The following PXDC1 variants were observed in gnomAD, a reference collection of about 807,000 sequenced individuals.
The protein encoded by PXDC1 is PX domain-containing protein 1.
Under a neutral mutation model 24.4 loss-of-function variants are expected in PXDC1, and 13 were observed. The ratio of observed to expected loss-of-function variants is 0.53; its 90% CI spans 0.35 to 0.85. PXDC1 has a LOEUF of 0.85. PXDC1 is among the 40% of genes least tolerant of loss of function. The probability of loss-of-function intolerance (pLI) is 0.01; values close to 1 mark genes in which losing one functional copy is unlikely to be tolerated. For missense variants in PXDC1, 344 were observed against 309.3 expected (o/e 1.11, Z -0.84); for synonymous variants, 162 against 124.9 (o/e 1.30, Z -1.98).
chr6:3,743,383 T>C (rs1192358487), intron 1 of PXDC1, among the ~76,000 whole-genome samples: 1 of 152,018 alleles, frequency 6.6e-6, no homozygotes, highest in Non-Finnish European at 1.5e-5. Context: ...ATAAATTACA[T>C]TTATATTGTT....
At chr6:3,731,916 C>G (rs1178185475) in intron 3 of PXDC1, among the ~76,000 whole-genome samples, 1 of 152,218 alleles carries the variant, frequency 6.6e-6, no homozygotes, top group Admixed American at 6.5e-5. Flanking sequence ...GCTGACAGGT[C>G]CTGCTGCTGC....
Position 3,737,940 on chromosome 6 carries a change from C to A in PXDC1, c.348+117G>T. ...TGGTACTACCAGGGAGGGAACAAAACGGCTAAGTGAGACAGAGCAAGCAAG... is the reference window on the plus strand; with the variant it reads ...TGGTACTACCAGGGAGGGAACAAAAAGGCTAAGTGAGACAGAGCAAGCAAG... On this transcript the variant is annotated intron_variant, in intron 2 of 4. Transcript: ENST00000380283. This position sits in a 1 kb window ranked among gnomAD's most constrained non-coding sequence, Gnocchi z 5.5. 1.2e-6 allele frequency: 1 copy of A among 867,740 alleles called. No individual in the cohort carries two copies. The highest frequency in any genetic ancestry group is 1.7e-5 in the African/African-American group (1 of 59,614). 53.8% of individuals were successfully genotyped at this position (867,740 alleles called of 1,614,324 possible).
chr6:3,740,150 A>G (rs919395440), intron 1 of PXDC1, among the ~76,000 whole-genome samples: 5 of 152,222 alleles, frequency 3.3e-5, no homozygotes, highest in African/African-American at 1.2e-4. Flanking sequence ...ATTTCATAGG[A>G]CAGAAAGCGT....
Position 3,737,995 on chromosome 6 carries a change from G to T in PXDC1, c.348+62C>A. Reference sequence around the variant, plus strand: ...CCCTCCGGGGGGATGGACGCCTTTCGCATTTGGGAGGTGCCAGCACCTCCC... The same window carrying T: ...CCCTCCGGGGGGATGGACGCCTTTCTCATTTGGGAGGTGCCAGCACCTCCC... On this transcript the variant is annotated intron_variant, in intron 2 of 4. Transcript: ENST00000380283. The surrounding 1 kb of genome is among the most constrained non-coding windows in gnomAD (Gnocchi z 5.5). 1 of 1,362,936 alleles carries T rather than the reference G, an allele frequency of 7.3e-7. No homozygotes were observed. Among genetic ancestry groups the T allele is most frequent in the Non-Finnish European group, 1.0e-6 (1 of 958,566 alleles). 84.4% of individuals were successfully genotyped at this position (1,362,936 alleles called of 1,614,324 possible). A position where few individuals can be genotyped will look rare whatever the true frequency, so the allele number is the denominator to read the frequency against.
intron 3 of PXDC1, among the ~76,000 whole-genome samples, chr6:3,732,329 C>T (rs1198478632): frequency 7.2e-5 from 11 of 152,208 alleles, no homozygotes; most frequent in Non-Finnish European, 7.3e-5. Flanking sequence ...CGGAACAAAA[C>T]CCAAAGCAGT....
intron 1 of PXDC1, among the ~76,000 whole-genome samples, chr6:3,750,239 G>C (rs1311906042): frequency 6.6e-6 from 1 of 152,242 alleles, no homozygotes; most frequent in African/African-American, 2.4e-5. Context: ...GGGAGACTTG[G>C]ACGGGCCACC....
chr6:3,742,228 G>A (rs1023864499), intron 1 of PXDC1, among the ~76,000 whole-genome samples: 2 of 152,166 alleles, frequency 1.3e-5, no homozygotes, highest in African/African-American at 4.8e-5. Context: ...CCTACCTGTT[G>A]TACTCCTCCT....
At chr6:3,739,811 T>C (rs1197176653) in intron 1 of PXDC1, among the ~76,000 whole-genome samples, 1 of 152,192 alleles carries the variant, frequency 6.6e-6, no homozygotes, top group Non-Finnish European at 1.5e-5. Flanking sequence ...TTACATAGAA[T>C]TTCAAATATT....
rs1760023004 is a variant in PXDC1, at chr6:3,724,848, C to T, written c.579-1112G>A. On this transcript the variant is annotated intron_variant, in intron 4 of 4. Transcript: ENST00000380283. The surrounding 1 kb of genome is among the most constrained non-coding windows in gnomAD (Gnocchi z 4.5). ...TAGTACATCGTGCGAATCCCGCTGA[C>T]CTCAAGGGACAGGGCTGTGAAGACA... 6.6e-6 allele frequency among the ~76,000 whole-genome samples: 1 copy of T among 152,228 alleles called. No homozygotes were observed.
Position 3,751,654 on chromosome 6 carries a change from C to A in PXDC1, c.-123G>T. ...CCGGGGTCGTCCGGGGTCGGCCCGT[C>A]ACTCCAAGGAGGCTGCGTATGGCCC... On this transcript the variant is annotated 5_prime_UTR_variant, in exon 1 of 5. Transcript: ENST00000380283. The A allele has an allele frequency of 1.5e-6, 2 of 1,326,366 alleles. No homozygotes were observed. The highest frequency in any genetic ancestry group is 1.9e-6 in the Non-Finnish European group (2 of 1,041,714). 82.2% of individuals were successfully genotyped at this position (1,326,366 alleles called of 1,614,324 possible). A position where few individuals can be genotyped will look rare whatever the true frequency, so the allele number is the denominator to read the frequency against.
At chr6:3,733,951 GT>G (rs1174907177) in intron 3 of PXDC1, among the ~76,000 whole-genome samples, 3 of 152,110 alleles carry the variant, frequency 2.0e-5, no homozygotes, top group Non-Finnish European at 4.4e-5. Flanking sequence ...TTCTCTGGAT[GT>G]AATAATTCAT....
Position 3,727,600 on chromosome 6 carries a change from T to A in PXDC1, c.529A>T (p.Ile177Leu). ...AGCTGCTGGTCTCTTCCATTTGGTA[T>A]ACTGTGGTCAATAACTATTGTTTCG... ...NTETIVIDHS[I>L]PNGRDQQLGV... Residue 177 changes from isoleucine (I) to leucine (L), a missense_variant, in exon 4 of 5, where the codon ATA becomes TTA. Ile to Leu is a conservative substitution (Grantham distance 5). Transcript: ENST00000380283. 3 of 1,613,954 alleles carry A rather than the reference T, an allele frequency of 1.9e-6. No homozygotes were observed. The highest frequency in any genetic ancestry group is 2.5e-6 in the Non-Finnish European group (3 of 1,179,770).
chr6:3,734,887 C>G (rs569031390), intron 3 of PXDC1, among the ~76,000 whole-genome samples: 1 of 152,066 alleles, frequency 6.6e-6, no homozygotes, highest in Non-Finnish European at 1.5e-5. Context: ...GAGTTTCAGA[C>G]CAGCTTGGGA....
intron 1 of PXDC1, 128 bp downstream of exon 1, chr6:3,751,142 GGGTCCA>G: frequency 1.5e-6 from 1 of 679,976 alleles, no homozygotes; most frequent in South Asian, 2.6e-5. Context: ...TGCGGGCGCG[GGGTCCA>G]AGTGTCCCCT....
chr6:3,746,095 G>A (rs1289914752), intron 1 of PXDC1, among the ~76,000 whole-genome samples: 1 of 152,192 alleles, frequency 6.6e-6, no homozygotes, highest in African/African-American at 2.4e-5. Flanking sequence ...GGCCTGTTCT[G>A]TGAGAAAGCT....
intron 1 of PXDC1, chr6:3,739,029 G>A (rs549552395): frequency 1.6e-5 from 19 of 1,224,914 alleles, no homozygotes; most frequent in African/African-American, 1.3e-4. Context: ...GGCAAAAACC[G>A]TGATTACTGC....
Position 3,751,628 on chromosome 6 carries a change from GCCGGGGTCGT to G in PXDC1, c.-107_-98del, listed in dbSNP as rs1444334479. On this transcript the variant is annotated 5_prime_UTR_variant, in exon 1 of 5. Transcript: ENST00000380283. ...CGGGGTCGTCCCGGGTCTGTCCGTG[GCCGGGGTCGT>G]CCGGGGTCGGCCCGTCACTCCAAGG... 1.8e-5 allele frequency: 25 copies of G among 1,351,604 alleles called. No individual in the cohort carries two copies. In the East Asian group the frequency reaches 3.4e-4, roughly 18 times the overall value. The allele number at this position is 1,351,604 out of a possible 1,614,324, so 83.7% of individuals were successfully genotyped here.
At chr6:3,731,873 A>G (rs908236468) in intron 3 of PXDC1, among the ~76,000 whole-genome samples, 1 of 152,218 alleles carries the variant, frequency 6.6e-6, no homozygotes, top group Non-Finnish European at 1.5e-5. Context: ...ACGCTGCATG[A>G]GACCTGGAGT....
Position 3,725,559 on chromosome 6 carries a change from G to A in PXDC1, c.579-1823C>T, listed in dbSNP as rs915816313. 6.6e-6 allele frequency among the ~76,000 whole-genome samples: 1 copy of A among 152,222 alleles called. No homozygotes were observed. Among genetic ancestry groups the A allele is most frequent in the African/African-American group, 2.4e-5 (1 of 41,470 alleles). ...GCAGCCTGCTGAGACTCTGCTGTGG[G>A]GGCCCTGCTGTGGGCCCGGCGGCAC... On this transcript the variant is annotated intron_variant, in intron 4 of 4. Transcript: ENST00000380283. The surrounding 1 kb of genome is among the most constrained non-coding windows in gnomAD (Gnocchi z 4.8).
Sources: allele counts gnomAD v4.1 joint callset (sites outside exome capture counted in the v4.1 genomes callset), GRCh38; gene constraint gnomAD v4.1.1; non-coding constraint Gnocchi (gnomAD v3.1); transcripts MANE v1.5; gene names NCBI Gene and HGNC (gene_info 2026-07-23, HGNC 2026-07-21).